Variants in SYT16 observed in about 807,000 individuals in gnomAD.
SYT16 encodes the protein synaptotagmin 16.
A neutral mutation model predicts 61.4 loss-of-function variants in SYT16; 42 were observed. The ratio of observed to expected loss-of-function variants is 0.68; its 90% CI spans 0.53 to 0.89. The LOEUF is 0.89. Among genes scored for constraint, SYT16 ranks in the 40% least tolerant of loss-of-function variants. The pLI, the probability that SYT16 is intolerant of heterozygous loss-of-function variation, is 0.00. For missense variants in SYT16, 804 were observed against 807.3 expected, an observed-to-expected ratio of 1.00 and a Z score of 0.05; for synonymous variants, 314 against 302.3, an observed-to-expected ratio of 1.04 and a Z score of -0.40.
At chr14:61,871,469 ACT>A (rs2047331017) in intron 1 of SYT16, among the ~76,000 whole-genome samples, 1 of 151,880 alleles carries the variant, frequency 6.6e-6, no homozygotes. Context: ...ACTCAGCAAG[ACT>A]CTGTTCTGGG....
At chr14:62,026,623 A>G (rs2054113987) in intron 3 of SYT16, among the ~76,000 whole-genome samples, 2 of 152,198 alleles carry the variant, frequency 1.3e-5, no homozygotes, top group Non-Finnish European at 2.9e-5. Context: ...CAGTCAAACC[A>G]TAGCCCCCAT....
chr14:62,084,115 C>T, intron 6 of SYT16, 81 bp from the exon 7 acceptor site: 2 of 1,502,298 alleles, frequency 1.3e-6, no homozygotes, highest in Non-Finnish European at 1.8e-6. Flanking sequence ...GTCACAATTT[C>T]ACCAAACATA....
chr14:61,887,977 T>G lies in SYT16; in HGVS notation c.-325+75167T>G, dbSNP rs2047973141. ...CTCTTTGGTGCAAGAGGCCTAGCTTTTACCGTCTTGGCTTTTCACATGCTT... is the reference window on the plus strand; with the variant it reads ...CTCTTTGGTGCAAGAGGCCTAGCTTGTACCGTCTTGGCTTTTCACATGCTT... On this transcript the variant is annotated intron_variant, in intron 1 of 7. Transcript: ENST00000683842. 3.9e-5 allele frequency among the ~76,000 whole-genome samples: 6 copies of G among 152,232 alleles called. No individual in the cohort carries two copies. In the South Asian group the frequency reaches 1.2e-3, roughly 31 times the overall value.
chr14:62,047,769 G>T (rs925066395), intron 3 of SYT16, among the ~76,000 whole-genome samples: 2 of 152,110 alleles, frequency 1.3e-5, no homozygotes, highest in Non-Finnish European at 1.5e-5. Context: ...TTATATGCTG[G>T]ATTACGTTTA....
chr14:61,874,795 T>A lies in SYT16; in HGVS notation c.-325+61985T>A, dbSNP rs113058365. 2.4e-3 allele frequency among the ~76,000 whole-genome samples: 367 copies of A among 151,792 alleles called. 5 individuals carry two copies. Among genetic ancestry groups the A allele is most frequent in the African/African-American group, 8.6e-3 (354 of 41,336 alleles). ...TTTTTTTTTTTTTTTTTACATGTTC[T>A]AACACTTTGCACATAAGAAATTTTC... On this transcript the variant is annotated intron_variant, in intron 1 of 7. Transcript: ENST00000683842.
At chr14:61,904,153 A>C (rs748908022) in intron 1 of SYT16, among the ~76,000 whole-genome samples, 8 of 152,188 alleles carry the variant, frequency 5.3e-5, no homozygotes, top group Non-Finnish European at 8.8e-5. Flanking sequence ...CACTGGAACT[A>C]TCCATCCTTG....
intron 3 of SYT16, among the ~76,000 whole-genome samples, chr14:62,042,389 A>G (rs1043738802): frequency 1.1e-4 from 17 of 152,128 alleles, no homozygotes; most frequent in Non-Finnish European, 2.1e-4. Context: ...TTGTTCCAGG[A>G]TGTTGTTAAG....
intron 3 of SYT16, among the ~76,000 whole-genome samples, chr14:62,009,838 C>A (rs2053373498): frequency 6.6e-6 from 1 of 152,206 alleles, no homozygotes; most frequent in African/African-American, 2.4e-5. Context: ...CAGACAGTTT[C>A]TCTTCCTCAG....
intron 1 of SYT16, among the ~76,000 whole-genome samples, chr14:61,829,411 A>C (rs1033435596): frequency 1.3e-5 from 2 of 152,024 alleles, no homozygotes; most frequent in Non-Finnish European, 2.9e-5. Flanking sequence ...CTCCTGTTTA[A>C]AGTTTAGTTA....
chr14:61,996,124 A>T lies in SYT16; in HGVS notation c.105A>T (p.Leu35Phe), dbSNP rs761390939. The T allele has an allele frequency of 1.2e-6, 2 of 1,613,210 alleles. No individual in the cohort carries two copies. Among genetic ancestry groups the T allele is most frequent in the Non-Finnish European group, 1.7e-6 (2 of 1,179,520 alleles). The change falls in exon 3 of 8, where the codon TTA becomes TTT. Residue 35 changes from leucine (L) to phenylalanine (F), a missense_variant. Leu to Phe is a conservative substitution (Grantham distance 22). Transcript: ENST00000683842. ...CTCTCCAGCAAGCAGGAGATATGTT[A>T]TCTGCTTCGCTGGTTAACATAAGCA... The part of the protein sequence containing the change: ...YEALQQAGDM[L>F]SASLVNISKQ...
intron 3 of SYT16, among the ~76,000 whole-genome samples, chr14:62,010,557 C>T (rs1186742175): frequency 3.9e-5 from 6 of 152,064 alleles, no homozygotes; most frequent in Admixed American, 1.3e-4. Context: ...ATCTGGTCAT[C>T]GGTAATACCA....
rs574867708 is a variant in SYT16 at position 62,068,154 on chromosome 14, G to A, written c.524-1449G>A. ...AGATAAGGAAACAACCTAAGTGTCCGTCAGTGGACAAATGGATAAAGAAAT... is the reference window on the plus strand; with the variant it reads ...AGATAAGGAAACAACCTAAGTGTCCATCAGTGGACAAATGGATAAAGAAAT... On this transcript the variant is annotated intron_variant, in intron 3 of 7. Coordinates refer to ENST00000683842, the MANE Select transcript of SYT16 (RefSeq NM_001367656.1). Among the ~76,000 whole-genome samples, 4 of 152,238 alleles carry A rather than the reference G, an allele frequency of 2.6e-5. No individual in the cohort carries two copies. In the South Asian group the frequency reaches 6.2e-4, roughly 24 times the overall value.
chr14:61,959,675 C>G (rs2051037280), intron 1 of SYT16, among the ~76,000 whole-genome samples: 1 of 152,176 alleles, frequency 6.6e-6, no homozygotes, highest in Non-Finnish European at 1.5e-5. Flanking sequence ...ACTGCCACTA[C>G]AGTAGCACAA....
chr14:62,027,491 T>G (rs752205027), intron 3 of SYT16, among the ~76,000 whole-genome samples: 1 of 152,226 alleles, frequency 6.6e-6, no homozygotes, highest in African/African-American at 2.4e-5. Context: ...TCTGACAGGT[T>G]GTTACCTATG....
intron 3 of SYT16, among the ~76,000 whole-genome samples, chr14:62,033,886 T>C (rs1188775702): frequency 2.0e-5 from 3 of 152,008 alleles, no homozygotes; most frequent in African/African-American, 7.2e-5. Flanking sequence ...AGAATTTTTG[T>C]GCTGAAAATG....
intron 1 of SYT16, among the ~76,000 whole-genome samples, chr14:61,822,190 C>T (rs919053198): frequency 6.6e-6 from 1 of 152,200 alleles, no homozygotes; most frequent in African/African-American, 2.4e-5. Flanking sequence ...CCTCTAGGAG[C>T]TTGCTGGTAC....
At chr14:61,817,540 G>C (rs1435261891) in intron 1 of SYT16, among the ~76,000 whole-genome samples, 1 of 152,054 alleles carries the variant, frequency 6.6e-6, no homozygotes, top group African/African-American at 2.4e-5. Flanking sequence ...TTCTGATCAC[G>C]AGGAAACATC....
At position 62,110,541 on chromosome 14, in the gene SYT16, C is replaced by T. The variant is rs1159838949; in HGVS notation, c.*9834C>T. On this transcript the variant is annotated 3_prime_UTR_variant, in exon 8 of 8. Coordinates refer to ENST00000683842, the MANE Select transcript of SYT16 (RefSeq NM_001367656.1). Reference sequence around the variant, plus strand: ...TGTCAATATATCAAAGTAATTGACACTTTTAGAGCTCTGCCAATCAGTGGG... The same window carrying T: ...TGTCAATATATCAAAGTAATTGACATTTTTAGAGCTCTGCCAATCAGTGGG... 1 of 152,088 alleles carries T rather than the reference C, an allele frequency of 6.6e-6. No individual in the cohort carries two copies. The highest frequency in any genetic ancestry group is 2.4e-5 in the African/African-American group (1 of 41,450). The allele number at this position is 152,088 out of a possible 1,614,324, so 9.4% of individuals were successfully genotyped here. A position where few individuals can be genotyped will look rare whatever the true frequency, so the allele number is the denominator to read the frequency against.
At chr14:62,029,035 G>A (rs944808881) in intron 3 of SYT16, among the ~76,000 whole-genome samples, 3 of 152,308 alleles carry the variant, frequency 2.0e-5, no homozygotes, top group African/African-American at 4.8e-5. Context: ...AATTCAGAAT[G>A]AGGCCAGAGT....
Sources: gnomAD v4.1 joint callset for allele counts (sites outside exome capture counted in the v4.1 genomes callset) on GRCh38, gnomAD v4.1.1 for gene constraint, MANE v1.5 for transcripts, NCBI Gene and HGNC (gene_info 2026-07-23, HGNC 2026-07-21) for gene names.